Variants in AFDN observed in about 807,000 individuals in gnomAD.
AFDN encodes the protein afadin.
AFDN carries 68 observed loss-of-function variants against 216.6 expected under a neutral mutation model. The observed-to-expected ratio is 0.31, with a 90% CI of 0.26 to 0.38. The LOEUF (loss-of-function observed/expected upper bound fraction) is 0.38. Among genes scored for constraint, AFDN ranks in the 10% least tolerant of loss-of-function variants. The pLI, the probability that AFDN is intolerant of heterozygous loss-of-function variation, is 1.00. For missense variants in AFDN, 2,136 were observed against 2,342.0 expected (o/e 0.91, Z 1.82); for synonymous variants, 868 against 853.7 (o/e 1.02, Z -0.29).
Position 167,951,942 on chromosome 6 carries a change from A to G in AFDN, c.4588A>G (p.Lys1530Glu). The G allele has an allele frequency of 6.2e-7, 1 of 1,614,052 alleles. No homozygotes were observed. The highest frequency in any genetic ancestry group is 8.5e-7 in the Non-Finnish European group (1 of 1,179,998). Residue 1530 changes from lysine to glutamate, a missense_variant, in exon 30 of 34, where the codon AAG (lysine) becomes GAG (glutamate). By Grantham distance (56) the Lys-to-Glu change is moderately conservative. Transcript: ENST00000683244. This position sits in a 1 kb window ranked among gnomAD's most constrained non-coding sequence, Gnocchi z 7.1. ...CCCGTGGAAGCGGGACGCCAAGGAGAAGCTGGAGAAGCAGCAGCAGATGCA... is the reference window on the plus strand; with the variant it reads ...CCCGTGGAAGCGGGACGCCAAGGAGGAGCTGGAGAAGCAGCAGCAGATGCA... ...PDPWKRDAKE[K>E]LEKQQQMHIV... is the part of the protein sequence containing the mutation.
Position 167,943,375 on chromosome 6 carries a change from C to T in AFDN, c.3166-27C>T. ...CTCTCTTTGCTCTCTACCCCTAATCCATGCACACACCTGTGGATTTGCCTA... is the reference window on the plus strand; with the variant it reads ...CTCTCTTTGCTCTCTACCCCTAATCTATGCACACACCTGTGGATTTGCCTA... On this transcript the variant is annotated intron_variant, in intron 24 of 33. Coordinates refer to ENST00000683244, the MANE Select transcript of AFDN (RefSeq NM_001386888.1). 4.4e-6 allele frequency: 7 copies of T among 1,605,944 alleles called. No homozygotes were observed. The African/African-American group carries it at 5.3e-5, about 12-fold the overall frequency.
At position 167,902,312 on chromosome 6, in the gene AFDN, A is replaced by G. The variant is rs1789084781; in HGVS notation, c.1581-5A>G. 6.2e-7 allele frequency: 1 copy of G among 1,608,964 alleles called. No individual in the cohort carries two copies. Among genetic ancestry groups the G allele is most frequent in the Admixed American group, 1.7e-5 (1 of 59,954 alleles). ...GTCAGTGTGTTTCTTGTTTTATCCC[A>G]TCAGAATTGTTCAGGAGACAACTTT... On this transcript the variant is annotated splice_polypyrimidine_tract_variant and splice_region_variant and intron_variant, in intron 11 of 33. Coordinates refer to ENST00000683244, the MANE Select transcript of AFDN (RefSeq NM_001386888.1).
intron 23 of AFDN, among the ~76,000 whole-genome samples, chr6:167,931,902 T>C (rs1310356351): frequency 6.6e-6 from 1 of 152,214 alleles, no homozygotes; most frequent in Non-Finnish European, 1.5e-5. Context: ...ATTCTGCTCC[T>C]GCCACTGGCA....
In AFDN at chr6:167,827,124, G is replaced by T. The variant is rs1208405443; in HGVS notation, c.-9G>T. On this transcript the variant is annotated 5_prime_UTR_variant, in exon 1 of 34. Transcript: ENST00000683244. ...GGCCCCGCGCGGCTGAGGAGGCGCG[G>T]CCAGGACCATGTCGGCGGGCGGCCG... 2 of 1,268,864 alleles carry T rather than the reference G, an allele frequency of 1.6e-6. No homozygotes were observed. Among genetic ancestry groups the T allele is most frequent in the East Asian group, 6.3e-5 (1 of 15,912 alleles). 78.6% of individuals were successfully genotyped at this position (1,268,864 alleles called of 1,614,324 possible).
At chr6:167,941,990 A>G (rs1273601517) in intron 23 of AFDN, among the ~76,000 whole-genome samples, 1 of 152,228 alleles carries the variant, frequency 6.6e-6, no homozygotes, top group Non-Finnish European at 1.5e-5. Flanking sequence ...ATTAAGAAAT[A>G]CTATACTGTT....
chr6:167,836,767 T>C (rs976398694), intron 1 of AFDN, among the ~76,000 whole-genome samples: 3 of 152,210 alleles, frequency 2.0e-5, no homozygotes, highest in African/African-American at 4.8e-5. Context: ...TTTAACCGTT[T>C]AGTGCATCAT....
intron 22 of AFDN, among the ~76,000 whole-genome samples, chr6:167,923,409 T>G (rs1218707645): frequency 1.3e-5 from 2 of 152,180 alleles, no homozygotes; most frequent in African/African-American, 4.8e-5. Flanking sequence ...TCATACATGT[T>G]AAGAACAATT....
intron 2 of AFDN, among the ~76,000 whole-genome samples, chr6:167,869,022 C>T (rs1784513700): frequency 6.6e-6 from 1 of 151,964 alleles, no homozygotes; most frequent in African/African-American, 2.4e-5. Flanking sequence ...TCGATCTATC[C>T]ACCTTGGCCT....
chr6:167,910,951 T>A, intron 13 of AFDN, 150 bp from the exon 14 acceptor site: 2 of 676,268 alleles, frequency 3.0e-6, no homozygotes, highest in South Asian at 3.9e-5. Flanking sequence ...TTGATTAGGC[T>A]ACATCTGAAA....
chr6:167,899,103 C>T (rs190255590), intron 11 of AFDN, among the ~76,000 whole-genome samples: 152 of 152,260 alleles, frequency 1.0e-3, no homozygotes, highest in African/African-American at 3.6e-3. Flanking sequence ...GAAGCACAGA[C>T]ATGAACCCGC....
At chr6:167,855,168 T>C (rs1782757199) in intron 1 of AFDN, among the ~76,000 whole-genome samples, 1 of 152,074 alleles carries the variant, frequency 6.6e-6, no homozygotes. Flanking sequence ...CTAGTTTACT[T>C]AAGTATTTGA....
At chr6:167,906,111 A>G (rs1009097956) in intron 12 of AFDN, among the ~76,000 whole-genome samples, 1 of 152,220 alleles carries the variant, frequency 6.6e-6, no homozygotes, top group Non-Finnish European at 1.5e-5. Context: ...CCAAGAAAAA[A>G]AACCAAAAAA....
chr6:167,936,000 C>T (rs1337726122), intron 23 of AFDN, among the ~76,000 whole-genome samples: 1 of 152,080 alleles, frequency 6.6e-6, no homozygotes, highest in Non-Finnish European at 1.5e-5. Flanking sequence ...CAGTTTTCTG[C>T]TAGCTGTGTT....
intron 31 of AFDN, chr6:167,963,985 C>T (rs901439987): frequency 4.7e-6 from 5 of 1,064,572 alleles, no homozygotes; most frequent in African/African-American, 1.6e-5. Flanking sequence ...TGGGCCCAGT[C>T]CTGGCCACGC....
At chr6:167,932,239 G>A (rs1793399861) in intron 23 of AFDN, among the ~76,000 whole-genome samples, 1 of 152,266 alleles carries the variant, frequency 6.6e-6, no homozygotes, top group South Asian at 2.1e-4. Context: ...GGTGTATGGG[G>A]TAGCTGCTGT....
At chr6:167,868,632 G>C (rs1488855564) in intron 2 of AFDN, among the ~76,000 whole-genome samples, 1 of 152,022 alleles carries the variant, frequency 6.6e-6, no homozygotes, top group African/African-American at 2.4e-5. Context: ...TCTTTCTCTT[G>C]CAAGGAGTCT....
At chr6:167,861,058 T>C (rs1470718570) in intron 1 of AFDN, among the ~76,000 whole-genome samples, 1 of 152,178 alleles carries the variant, frequency 6.6e-6, no homozygotes, top group Non-Finnish European at 1.5e-5. Flanking sequence ...GTGGTCAGTG[T>C]ACTTCTTTGG....
rs368223126 is a variant in AFDN, at chr6:167,946,715, C to T, written c.3367C>T (p.Arg1123Cys). Residue 1123 changes from arginine (R) to cysteine (C), a missense_variant, in exon 27 of 34, where the codon CGT becomes TGT. Arg to Cys is a radical substitution (Grantham distance 180, BLOSUM62 -3). Around this residue, in one of 8 missense-constraint regions of AFDN, gnomAD observed 981 missense variants for 966.0 expected, o/e 1.02. Coordinates refer to ENST00000683244, the MANE Select transcript of AFDN (RefSeq NM_001386888.1). ...PSPMMQRISD[R>C]RGSGKPRPKS... Reference sequence around the variant, plus strand: ...ATATGCTTTGATTCCAGTTTCAGATCGTCGTGGCTCAGGTAAACCCCGACC... The same window carrying T: ...ATATGCTTTGATTCCAGTTTCAGATTGTCGTGGCTCAGGTAAACCCCGACC... The T allele has an allele frequency of 1.1e-5, 17 of 1,613,272 alleles. No homozygotes were observed. In the African/African-American group the frequency reaches 1.3e-4, roughly 13 times the overall value.
intron 9 of AFDN, 21 bp downstream of exon 9, chr6:167,893,927 ACTT>A: frequency 6.5e-7 from 1 of 1,533,708 alleles, no homozygotes; most frequent in Non-Finnish European, 8.9e-7. Context: ...GCTTACTACT[ACTT>A]TTATAACTAA....
Sources: gnomAD v4.1 joint callset for allele counts (sites outside exome capture counted in the v4.1 genomes callset) on GRCh38, gnomAD v4.1.1 for gene constraint, gnomAD v4.1.1 regional missense constraint, Gnocchi (gnomAD v3.1) non-coding constraint, MANE v1.5 for transcripts, NCBI Gene and HGNC (gene_info 2026-07-23, HGNC 2026-07-21) for gene names.